Variants in SUMF1 observed in about 807,000 individuals in gnomAD.
The protein encoded by SUMF1 is formylglycine-generating enzyme.
In SUMF1, 48 loss-of-function variants were observed where a neutral mutation model predicts 47.6. The ratio of observed to expected loss-of-function variants is 1.01; its 90% CI spans 0.80 to 1.28. SUMF1 has a LOEUF of 1.28. Ranked by LOEUF, SUMF1 falls within the 50% of genes most tolerant of loss-of-function variation. The pLI is 0.00. For missense variants in SUMF1, 571 were observed against 485.4 expected (o/e 1.18, Z -1.66); for synonymous variants, 230 against 192.1 (o/e 1.20, Z -1.63).
chr3:4,399,803 C>A (rs1687899), intron 7 of SUMF1, among the ~76,000 whole-genome samples: 1 of 152,196 alleles, frequency 6.6e-6, no homozygotes, highest in Non-Finnish European at 1.5e-5. Flanking sequence ...TGCCATCTAG[C>A]CTGAAGTGCA....
At chr3:4,209,240 C>G (rs1031141779) in intron 8 of SUMF1, among the ~76,000 whole-genome samples, 3 of 152,124 alleles carry the variant, frequency 2.0e-5, no homozygotes, top group Non-Finnish European at 2.9e-5. Flanking sequence ...ATAAATTTTA[C>G]ACTCTACTAT....
chr3:4,354,032 T>C (rs928937663), intron 8 of SUMF1, among the ~76,000 whole-genome samples: 1 of 152,078 alleles, frequency 6.6e-6, no homozygotes. Context: ...TTTTTCTATT[T>C]TTTGTAGAGA....
At position 4,110,646 on chromosome 3, in the gene SUMF1, T is replaced by C. The variant is rs1228831920; in HGVS notation, c.1015-41901A>G. On this transcript the variant is annotated intron_variant and NMD_transcript_variant, in intron 8 of 12. Transcript: ENST00000448413. ...AAGAAAATGTGGCACATATACACCA[T>C]GGAATACTATGCAGCCATAAAAAAG... is the stretch of plus-strand genomic sequence containing the variant. 3.3e-5 allele frequency among the ~76,000 whole-genome samples: 5 copies of C among 151,834 alleles called. No homozygotes were observed. In the East Asian group the frequency reaches 7.7e-4, roughly 24 times the overall value.
At chr3:4,403,423 A>G (rs542628348) in intron 7 of SUMF1, among the ~76,000 whole-genome samples, 2 of 152,304 alleles carry the variant, frequency 1.3e-5, no homozygotes, top group African/African-American at 4.8e-5. Context: ...CATTTATAAA[A>G]AAGGACATTT....
chr3:4,114,534 A>T (rs1331903317), intron 8 of SUMF1, among the ~76,000 whole-genome samples: 1 of 152,162 alleles, frequency 6.6e-6, no homozygotes, highest in East Asian at 1.9e-4. Context: ...GTAAACTATT[A>T]TTTGCATTTT....
At chr3:4,048,795 G>T (rs1460851186) in intron 9 of SUMF1, among the ~76,000 whole-genome samples, 1 of 151,978 alleles carries the variant, frequency 6.6e-6, no homozygotes, top group African/African-American at 2.4e-5. Context: ...TACATAAATA[G>T]AGCCCTTCCC....
At chr3:4,155,427 T>C (rs1321832470) in intron 8 of SUMF1, among the ~76,000 whole-genome samples, 2 of 151,598 alleles carry the variant, frequency 1.3e-5, no homozygotes, top group Non-Finnish European at 2.9e-5. Context: ...CCTTTAGGCA[T>C]GCGATGTTCT....
Position 4,101,215 on chromosome 3 carries a change from G to A in SUMF1, c.1015-32470C>T, listed in dbSNP as rs369443833. On this transcript the variant is annotated intron_variant and NMD_transcript_variant, in intron 8 of 12. Coordinates refer to the SUMF1 transcript ENST00000448413. ...TTTCATGTTCATTGAAGCATTATTC[G>A]CAAGAGTCAAGATATGAAAACAACC... 1.4e-4 allele frequency among the ~76,000 whole-genome samples: 21 copies of A among 152,046 alleles called. No individual in the cohort carries two copies. The East Asian group carries it at 2.1e-3, about 15-fold the overall frequency.
intron 8 of SUMF1, among the ~76,000 whole-genome samples, chr3:4,217,574 TCAGAG>T (rs1695962579): frequency 1.1e-5 from 1 of 93,712 alleles, no homozygotes; most frequent in Non-Finnish European, 2.3e-5. Flanking sequence ...TGTGACACCT[TCAGAG>T]ACAACATTTT....
At chr3:4,264,909 G>A (rs1195164893) in intron 8 of SUMF1, among the ~76,000 whole-genome samples, 1 of 152,096 alleles carries the variant, frequency 6.6e-6, no homozygotes, top group Non-Finnish European at 1.5e-5. Flanking sequence ...CAAGGCAGGT[G>A]GATCATCTGA....
intron 9 of SUMF1, among the ~76,000 whole-genome samples, chr3:4,061,310 C>A (rs1292948437): frequency 6.6e-6 from 1 of 152,132 alleles, no homozygotes; most frequent in Non-Finnish European, 1.5e-5. Flanking sequence ...ACCATCAGGA[C>A]TCCCAGATAG....
rs1351824045 is a variant in SUMF1, at chr3:4,254,205, C to T, written c.1014+122125G>A. 3.3e-5 allele frequency among the ~76,000 whole-genome samples: 5 copies of T among 152,076 alleles called. No homozygotes were observed. The South Asian group carries it at 6.2e-4, about 19-fold the overall frequency. ...ACTGGAAACTCTAAAAAGCAGAGCG[C>T]CTCTCCTCCTCCAAAGGAACACAGT... On this transcript the variant is annotated intron_variant and NMD_transcript_variant, in intron 8 of 12. Coordinates refer to the SUMF1 transcript ENST00000448413.
intron 8 of SUMF1, among the ~76,000 whole-genome samples, chr3:4,114,432 A>G (rs182236313): frequency 3.7e-4 from 56 of 152,284 alleles, no homozygotes; most frequent in African/African-American, 1.3e-3. Context: ...AGAAAAATAC[A>G]GCTTCATCAA....
At chr3:4,437,800 G>A (rs2322685) in intron 3 of SUMF1, among the ~76,000 whole-genome samples, 9,145 of 152,014 alleles carry the variant, frequency 0.06, 401 homozygotes, top group East Asian at 0.25. Flanking sequence ...TTAGCTGGGC[G>A]TGGTGGTGCA....
At chr3:4,034,673 G>A (rs569357498) in intron 9 of SUMF1, among the ~76,000 whole-genome samples, 19 of 152,112 alleles carry the variant, frequency 1.2e-4, no homozygotes, top group Admixed American at 7.2e-4. Flanking sequence ...CAAATATTCC[G>A]TGGCAGGCTC....
chr3:4,169,018 A>C (rs1045488743), intron 8 of SUMF1, among the ~76,000 whole-genome samples: 1 of 152,170 alleles, frequency 6.6e-6, no homozygotes, highest in African/African-American at 2.4e-5. Context: ...TACAAGTAAT[A>C]ATATTTTTCT....
intron 4 of SUMF1, 55 bp downstream of exon 4, chr3:4,420,009 G>T: frequency 6.9e-7 from 1 of 1,445,136 alleles, no homozygotes; most frequent in Non-Finnish European, 9.7e-7. Context: ...CAAGAGCAAA[G>T]GGTACCTATT....
rs547946361 is a variant in SUMF1, at chr3:4,252,690, C to T, written c.1014+123640G>A. Among the ~76,000 whole-genome samples, 7 of 152,198 alleles carry T rather than the reference C, an allele frequency of 4.6e-5. No homozygotes were observed. The East Asian group carries it at 1.2e-3, about 25-fold the overall frequency. On this transcript the variant is annotated intron_variant and NMD_transcript_variant, in intron 8 of 12. Coordinates refer to the SUMF1 transcript ENST00000448413. ...CACTTTCTTCCCAATGTGCTACATGCACCGGGCCAACCCCTTTAATGAAGG... is the reference window on the plus strand; with the variant it reads ...CACTTTCTTCCCAATGTGCTACATGTACCGGGCCAACCCCTTTAATGAAGG...
rs1170032813 is a variant in SUMF1, at chr3:4,457,029, CGT to C, written c.271-3982_271-3981del. Among the ~76,000 whole-genome samples, 43 of 64,722 alleles carry C rather than the reference CGT, an allele frequency of 6.6e-4. 1 individual carries two copies. The highest frequency in any genetic ancestry group is 1.5e-3 in the South Asian group (3 of 1,954). The allele number at this position is 64,722 out of a possible 152,430, so 42.5% of individuals were successfully genotyped here. A position where few individuals can be genotyped will look rare whatever the true frequency, so the allele number is the denominator to read the frequency against. ...ATATACGTGTGTGTACATATATATA[CGT>C]GTGTGTGTATATATATATACGTGTG... On this transcript the variant is annotated intron_variant, in intron 1 of 8. Transcript: ENST00000272902.
Sources: allele counts gnomAD v4.1 joint callset (sites outside exome capture counted in the v4.1 genomes callset), GRCh38; gene constraint gnomAD v4.1.1; transcripts MANE v1.5; gene names NCBI Gene and HGNC (gene_info 2026-07-23, HGNC 2026-07-21).